Variants in CDON observed in about 807,000 individuals in gnomAD.
CDON encodes cell adhesion molecule-related/down-regulated by oncogenes.
Under a neutral mutation model 120.9 loss-of-function variants are expected in CDON, and 73 were observed. The observed-to-expected ratio is 0.60, with a 90% confidence interval of 0.50 to 0.73. The LOEUF (loss-of-function observed/expected upper bound fraction) is 0.73, where lower values mean the gene tolerates loss of function less well. Ranked by LOEUF, CDON falls within the 30% of genes least tolerant of loss-of-function variation. CDON has a pLI of 0.00. For synonymous variants in CDON, 566 were observed against 573.5 expected (o/e 0.99, Z 0.19); for missense variants, 1,470 against 1,587.3 (o/e 0.93, Z 1.26).
intron 15 of CDON, among the ~76,000 whole-genome samples, chr11:125,988,552 G>A (rs1350531299): frequency 6.6e-6 from 1 of 152,078 alleles, no homozygotes; most frequent in Non-Finnish European, 1.5e-5. Context: ...TTATTTTGGG[G>A]ATAACACATT....
At chr11:126,019,850 A>C in intron 3 of CDON, 85 bp from the exon 4 acceptor site, 9 of 1,225,160 alleles carry the variant, frequency 7.3e-6, no homozygotes, top group East Asian at 2.5e-5. Flanking sequence ...TAGAAACAAC[A>C]TCTGCAGCAC....
chr11:126,022,542 G>A (rs969903405), intron 2 of CDON, among the ~76,000 whole-genome samples: 2 of 152,192 alleles, frequency 1.3e-5, no homozygotes, highest in South Asian at 2.1e-4. Flanking sequence ...GAGTGGGAAG[G>A]GGGAAGAAAT....
At chr11:126,030,265 T>C (rs1206160292) in intron 1 of CDON, among the ~76,000 whole-genome samples, 2 of 152,244 alleles carry the variant, frequency 1.3e-5, no homozygotes, top group East Asian at 3.8e-4. Context: ...TTATTGCTTT[T>C]ATAACCCCTT....
At chr11:125,972,952 C>A (rs551631848) in intron 18 of CDON, among the ~76,000 whole-genome samples, 1 of 150,164 alleles carries the variant, frequency 6.7e-6, no homozygotes. Flanking sequence ...TCAGTGACTG[C>A]GCCCAGACAC....
In CDON at chr11:126,006,010, C is replaced by T. The variant is rs756684503; in HGVS notation, c.1600G>A (p.Ala534Thr). The T allele has an allele frequency of 1.6e-5, 26 of 1,613,992 alleles. No homozygotes were observed. Among genetic ancestry groups the T allele is most frequent in the Non-Finnish European group, 2.0e-5 (24 of 1,180,018 alleles). ...TKAETVTLPDAAQNDDRSKRD... is the reference protein window; with the variant it reads ...TKAETVTLPDTAQNDDRSKRD... ...TTACTTCTGTCATCATTCTGAGCAGCATCAGGAAGTGTGACTGTCTCTGCT... is the reference window on the plus strand; with the variant it reads ...TTACTTCTGTCATCATTCTGAGCAGTATCAGGAAGTGTGACTGTCTCTGCT... Residue 534 changes from alanine to threonine, a missense_variant, in exon 9 of 20, where the codon GCT becomes ACT. Coordinates refer to ENST00000531738, the MANE Select transcript of CDON (RefSeq NM_001378964.1).
rs947313022 is a variant in CDON, at chr11:125,959,108, C to T, written c.*1834G>A. 3.3e-5 allele frequency: 5 copies of T among 152,210 alleles called. No homozygotes were observed. Among genetic ancestry groups the T allele is most frequent in the Non-Finnish European group, 7.3e-5 (5 of 68,036 alleles). 9.4% of individuals were successfully genotyped at this position (152,210 alleles called of 1,614,324 possible). ...TCCCTAATATCCGACTAGGGAATTA[C>T]ATTCACTACATTCTACTGGAAGTAA... On this transcript the variant is annotated 3_prime_UTR_variant, in exon 20 of 20. Transcript: ENST00000531738.
intron 12 of CDON, among the ~76,000 whole-genome samples, chr11:125,995,387 C>T (rs776835088): frequency 4.6e-5 from 7 of 152,158 alleles, no homozygotes; most frequent in Non-Finnish European, 1.5e-5. Context: ...CCATCCTGTT[C>T]TAAGTCATAC....
chr11:126,043,402 T>C (rs754903249), intron 1 of CDON, among the ~76,000 whole-genome samples: 1 of 152,120 alleles, frequency 6.6e-6, no homozygotes, highest in Admixed American at 6.5e-5. Context: ...GAGTGTACTT[T>C]CGTTTTCAGT....
intron 1 of CDON, among the ~76,000 whole-genome samples, chr11:126,040,611 C>G (rs192820452): frequency 2.0e-5 from 3 of 150,794 alleles, no homozygotes; most frequent in African/African-American, 4.9e-5. Context: ...GTCAGGAGAT[C>G]GAGACCATCC....
At chr11:126,015,572 C>G in intron 6 of CDON, 62 bp from the exon 7 acceptor site, 2 of 1,539,894 alleles carry the variant, frequency 1.3e-6, no homozygotes, top group Non-Finnish European at 1.8e-6. Flanking sequence ...AATTATCACT[C>G]GAGTGATAAA....
intron 18 of CDON, among the ~76,000 whole-genome samples, chr11:125,977,680 A>G (rs1946183625): frequency 6.6e-6 from 1 of 152,210 alleles, no homozygotes; most frequent in South Asian, 2.1e-4. Context: ...GAGAGGTCGT[A>G]GGAAAGTGTG....
chr11:126,059,026 CAG>C lies in CDON; in HGVS notation c.-62+3551_-62+3552del, dbSNP rs139144367. ...GAATTCTATAATAATAATAATGTAA[CAG>C]AAACAATCAAATTCTATCAATAGTA... is the stretch of plus-strand genomic sequence containing the variant. On this transcript the variant is annotated intron_variant, in intron 1 of 19. Coordinates refer to ENST00000531738, the MANE Select transcript of CDON (RefSeq NM_001378964.1). Among the ~76,000 whole-genome samples the C allele has an allele frequency of 7.8e-3, 1,189 of 152,194 alleles. 6 individuals are homozygous for C. Among genetic ancestry groups the C allele is most frequent in the Non-Finnish European group, 0.012 (817 of 67,986 alleles).
At chr11:125,970,406 C>G (rs1048134205) in intron 18 of CDON, among the ~76,000 whole-genome samples, 3 of 151,982 alleles carry the variant, frequency 2.0e-5, no homozygotes, top group Non-Finnish European at 4.4e-5. Flanking sequence ...AACTTCTGAC[C>G]TCGTGATCTG....
At chr11:126,016,736 ACT>A (rs1255201993) in intron 6 of CDON, among the ~76,000 whole-genome samples, 2 of 151,970 alleles carry the variant, frequency 1.3e-5, no homozygotes, top group African/African-American at 2.4e-5. Flanking sequence ...TCTCATCAGT[ACT>A]CTGTCTTAGT....
At chr11:126,022,683 T>C (rs1194879306) in intron 2 of CDON, among the ~76,000 whole-genome samples, 1 of 152,146 alleles carries the variant, frequency 6.6e-6, no homozygotes. Flanking sequence ...TCTGGGGTGG[T>C]TGTTTAGCAA....
chr11:126,060,860 C>T (rs1185204887), intron 1 of CDON, among the ~76,000 whole-genome samples: 1 of 152,160 alleles, frequency 6.6e-6, no homozygotes, highest in Non-Finnish European at 1.5e-5. Flanking sequence ...GAAAGCAAGG[C>T]GTAAGCTAGA....
At chr11:126,005,413 CT>C (rs1947092059) in intron 9 of CDON, 1 of 238,094 alleles carries the variant, frequency 4.2e-6, no homozygotes, top group Non-Finnish European at 8.2e-6. Context: ...TAAGAAACTG[CT>C]TTATTTGCTA....
intron 16 of CDON, among the ~76,000 whole-genome samples, chr11:125,983,580 T>C (rs953417824): frequency 6.6e-6 from 1 of 152,172 alleles, no homozygotes; most frequent in Admixed American, 6.5e-5. Context: ...TGCGTCCTCT[T>C]TGGTGGTCCA....
Position 125,979,099 on chromosome 11 carries a change from T to C in CDON, c.3277-716A>G, listed in dbSNP as rs1946221700. Among the ~76,000 whole-genome samples the C allele has an allele frequency of 2.0e-5, 3 of 152,296 alleles. No homozygotes were observed. The South Asian group carries it at 6.2e-4, about 32-fold the overall frequency. On this transcript the variant is annotated intron_variant, in intron 17 of 19. Transcript: ENST00000531738. ...GAAGTTAAAAATTAAACTAGCCTGA[T>C]AGTCAGAGGCAGAATTCTGCTTTCA...
Sources: gnomAD v4.1 joint callset for allele counts (sites outside exome capture counted in the v4.1 genomes callset) on GRCh38, gnomAD v4.1.1 for gene constraint, MANE v1.5 for transcripts, NCBI Gene and HGNC (gene_info 2026-07-23, HGNC 2026-07-21) for gene names.